Variants in GALNT7 observed in about 807,000 individuals in gnomAD.
GALNT7 encodes N-acetylgalactosaminyltransferase 7.
In GALNT7, 60 loss-of-function variants were observed where a neutral mutation model predicts 82.1. The ratio of observed to expected loss-of-function variants is 0.73; its 90% CI spans 0.59 to 0.91. GALNT7 has a LOEUF of 0.91. GALNT7 is among the 40% of genes least tolerant of loss of function. The pLI, the probability that GALNT7 is intolerant of heterozygous loss-of-function variation, is 0.00. For missense variants in GALNT7, 660 were observed against 804.2 expected (o/e 0.82, Z 2.17); for synonymous variants, 243 against 275.1 (o/e 0.88, Z 1.15).
At chr4:173,223,495 A>G (rs1462491130) in intron 1 of GALNT7, among the ~76,000 whole-genome samples, 1 of 152,164 alleles carries the variant, frequency 6.6e-6, no homozygotes, top group Non-Finnish European at 1.5e-5. Flanking sequence ...TACTAAATGA[A>G]AAAGAACTGC....
At chr4:173,294,585 TG>T (rs1255332279) in intron 3 of GALNT7, among the ~76,000 whole-genome samples, 2 of 152,092 alleles carry the variant, frequency 1.3e-5, no homozygotes, top group African/African-American at 4.8e-5. Context: ...GGACAATGCT[TG>T]TGTCCTCAAG....
At chr4:173,169,000 G>T in intron 1 of GALNT7, 39 bp downstream of exon 1, 3 of 1,603,738 alleles carry the variant, frequency 1.9e-6, no homozygotes, top group East Asian at 2.2e-5. Context: ...GGCAGCGACC[G>T]GCAACTTGTT....
At chr4:173,275,450 C>T (rs1735869219) in intron 2 of GALNT7, among the ~76,000 whole-genome samples, 1 of 152,182 alleles carries the variant, frequency 6.6e-6, no homozygotes, top group Middle Eastern at 3.2e-3. Context: ...CTGGCTACCT[C>T]ACAGCAGAGT....
chr4:173,222,736 G>A (rs555584477), intron 1 of GALNT7, among the ~76,000 whole-genome samples: 6 of 152,198 alleles, frequency 3.9e-5, no homozygotes, highest in East Asian at 3.9e-4. Context: ...ATTTACCTGC[G>A]ATTATATAGC....
rs1251786674 is a variant in GALNT7 at position 173,248,029 on chromosome 4, T to C, written c.176T>C (p.Leu59Pro). 4 of 1,613,690 alleles carry C rather than the reference T, an allele frequency of 2.5e-6. No homozygotes were observed. ...DPMPNRGGNG[L>P]APGEDRFKPV... is the part of the protein sequence containing the mutation. ...ATGCCCAACCGAGGCGGCAATGGAC[T>C]AGCTCCTGGGGAGGACAGATTCAAA... Residue 59 changes from leucine (L) to proline (P), a missense_variant, in exon 2 of 12, where the codon CTA (leucine) becomes CCA (proline). Leu to Pro is a moderately conservative substitution (Grantham distance 98, BLOSUM62 -3). Coordinates refer to ENST00000265000, the MANE Select transcript of GALNT7 (RefSeq NM_017423.3).
At chr4:173,209,347 AT>A (rs1733199075) in intron 1 of GALNT7, among the ~76,000 whole-genome samples, 1 of 152,206 alleles carries the variant, frequency 6.6e-6, no homozygotes, top group African/African-American at 2.4e-5. Flanking sequence ...CTTCGTCAGT[AT>A]TTCTTTCTAG....
intron 1 of GALNT7, among the ~76,000 whole-genome samples, chr4:173,203,629 C>T (rs551171078): frequency 1.3e-5 from 2 of 152,174 alleles, no homozygotes; most frequent in South Asian, 4.1e-4. Flanking sequence ...TGAGTATCCT[C>T]CTTAGGTTTT....
chr4:173,170,013 G>C (rs1351574539), intron 1 of GALNT7, among the ~76,000 whole-genome samples: 1 of 152,098 alleles, frequency 6.6e-6, no homozygotes, highest in East Asian at 1.9e-4. Flanking sequence ...TTAGTCAGGC[G>C]CCTCGGAACA....
At chr4:173,250,450 C>T (rs1358351725) in intron 2 of GALNT7, among the ~76,000 whole-genome samples, 2 of 152,088 alleles carry the variant, frequency 1.3e-5, no homozygotes, top group East Asian at 3.9e-4. Flanking sequence ...CTCCCCTTCA[C>T]CCCTCACATC....
At chr4:173,282,806 G>A (rs911450864) in intron 2 of GALNT7, among the ~76,000 whole-genome samples, 12 of 152,210 alleles carry the variant, frequency 7.9e-5, no homozygotes, top group African/African-American at 2.7e-4. Context: ...TGAGGCTGCT[G>A]ACATGCCCTG....
intron 2 of GALNT7, among the ~76,000 whole-genome samples, chr4:173,271,421 A>G (rs1735718791): frequency 6.6e-6 from 1 of 152,094 alleles, no homozygotes; most frequent in Non-Finnish European, 1.5e-5. Context: ...AGTAATACAT[A>G]TATTTATGTT....
At chr4:173,254,125 TGATA>T (rs1246410028) in intron 2 of GALNT7, among the ~76,000 whole-genome samples, 3 of 152,238 alleles carry the variant, frequency 2.0e-5, no homozygotes, top group African/African-American at 7.2e-5. Flanking sequence ...CAAAGTGAGA[TGATA>T]GATGTAAAAG....
intron 1 of GALNT7, among the ~76,000 whole-genome samples, chr4:173,178,087 A>G (rs1166963600): frequency 6.7e-6 from 1 of 149,490 alleles, no homozygotes; most frequent in Non-Finnish European, 1.5e-5. Context: ...ACCTATGTAT[A>G]TATATTTTAG....
intron 1 of GALNT7, among the ~76,000 whole-genome samples, chr4:173,246,178 A>G (rs535412353): frequency 2.6e-5 from 4 of 152,216 alleles, no homozygotes; most frequent in Non-Finnish European, 4.4e-5. Flanking sequence ...ACTCTTGCCC[A>G]TTGAAATGGA....
intron 1 of GALNT7, among the ~76,000 whole-genome samples, chr4:173,221,951 A>G (rs948113703): frequency 5.3e-5 from 8 of 152,334 alleles, no homozygotes; most frequent in East Asian, 3.9e-4. Flanking sequence ...AAACCTTAGT[A>G]ACAAAGTGAA....
At chr4:173,220,673 C>T (rs1385308832) in intron 1 of GALNT7, among the ~76,000 whole-genome samples, 1 of 124,132 alleles carries the variant, frequency 8.1e-6, no homozygotes, top group African/African-American at 3.0e-5. Flanking sequence ...CACAACAGTC[C>T]CCAGAGTGTG....
intron 1 of GALNT7, among the ~76,000 whole-genome samples, chr4:173,188,939 G>T (rs923067217): frequency 6.6e-6 from 1 of 152,148 alleles, no homozygotes; most frequent in African/African-American, 2.4e-5. Context: ...TCCCCTGTCC[G>T]CTGCTGAGTA....
chr4:173,173,379 G>C (rs1390632391), intron 1 of GALNT7, among the ~76,000 whole-genome samples: 2 of 151,992 alleles, frequency 1.3e-5, no homozygotes, highest in East Asian at 3.9e-4. Flanking sequence ...TTTATCCCAG[G>C]TTTTAGCCCT....
chr4:173,299,346 T>A (rs1001792653), intron 6 of GALNT7, among the ~76,000 whole-genome samples: 3 of 152,174 alleles, frequency 2.0e-5, no homozygotes, highest in Non-Finnish European at 2.9e-5. Context: ...GCTTACGTGC[T>A]TAACTTAACA....
Sources: allele counts gnomAD v4.1 joint callset (sites outside exome capture counted in the v4.1 genomes callset), GRCh38; gene constraint gnomAD v4.1.1; transcripts MANE v1.5; gene names NCBI Gene and HGNC (gene_info 2026-07-23, HGNC 2026-07-21).